The following RARB variants were observed in gnomAD, a reference collection of about 807,000 sequenced individuals.
RARB encodes the protein HBV-activated protein.
In RARB, 17 loss-of-function variants were observed where a neutral mutation model predicts 51.9. The ratio of observed to expected loss-of-function variants is 0.33; its 90% CI spans 0.22 to 0.49. The LOEUF (loss-of-function observed/expected upper bound fraction) is 0.49, where lower values mean the gene tolerates loss of function less well. RARB is among the 20% of genes least tolerant of loss of function. RARB has a pLI of 0.99. For missense variants in RARB, 369 were observed against 550.8 expected, an observed-to-expected ratio of 0.67 and a Z score of 3.30; for synonymous variants, 215 against 195.4, an observed-to-expected ratio of 1.10 and a Z score of -0.84.
At chr3:25,374,971 C>A (rs1706415359) in intron 5 of RARB, among the ~76,000 whole-genome samples, 1 of 151,918 alleles carries the variant, frequency 6.6e-6, no homozygotes, top group Non-Finnish European at 1.5e-5. Context: ...TTCTGAAATC[C>A]ATTACCTTTT....
intron 2 of RARB, among the ~76,000 whole-genome samples, chr3:24,893,886 T>C (rs1703433213): frequency 6.6e-6 from 1 of 152,178 alleles, no homozygotes; most frequent in Non-Finnish European, 1.5e-5. Context: ...TGTAACACTT[T>C]CACTTGCTTT....
Position 25,461,138 on chromosome 3 carries a change from A to T in RARB, c.158-55A>T, listed in dbSNP as rs1047841641. On this transcript the variant is annotated intron_variant, in intron 1 of 7. Coordinates refer to ENST00000330688, the MANE Select transcript of RARB (RefSeq NM_000965.5). The stretch of plus-strand genomic sequence containing the variant: ...ATATGAATTCACTGTTGAAAAAAGT[A>T]ATGAACTAAAATACATTTTCTCTTT... 5.4e-6 allele frequency: 8 copies of T among 1,492,794 alleles called. No individual in the cohort carries two copies. The Admixed American group carries it at 1.9e-4, about 35-fold the overall frequency. The allele number at this position is 1,492,794 out of a possible 1,614,324, so 92.5% of individuals were successfully genotyped here.
chr3:25,441,274 C>T, intron 1 of RARB: 1 of 411,210 alleles, frequency 2.4e-6, no homozygotes, highest in South Asian at 2.1e-5. Flanking sequence ...GCACCAGTAG[C>T]TGCGCTCTGG....
intron 5 of RARB, among the ~76,000 whole-genome samples, chr3:25,201,415 C>A (rs960561909): frequency 2.0e-5 from 3 of 152,160 alleles, no homozygotes; most frequent in Non-Finnish European, 4.4e-5. Flanking sequence ...GATTGAATAT[C>A]CTTTATTTCC....
chr3:25,141,421 C>T (rs1700104564), intron 4 of RARB, among the ~76,000 whole-genome samples: 1 of 152,008 alleles, frequency 6.6e-6, no homozygotes, highest in Non-Finnish European at 1.5e-5. Context: ...TTGGGCTGAC[C>T]CAATTTACCA....
At chr3:25,206,494 C>A (rs539536514) in intron 5 of RARB, among the ~76,000 whole-genome samples, 2 of 152,248 alleles carry the variant, frequency 1.3e-5, no homozygotes, top group Non-Finnish European at 2.9e-5. Flanking sequence ...AGTTCCAACT[C>A]AGATCTACTA....
At chr3:25,242,920 T>C (rs1299815673) in intron 5 of RARB, among the ~76,000 whole-genome samples, 1 of 152,230 alleles carries the variant, frequency 6.6e-6, no homozygotes, top group Non-Finnish European at 1.5e-5. Context: ...TTTCACAATT[T>C]TGATTTTTCC....
chr3:25,498,581 C>G (rs1697150170), intron 2 of RARB, among the ~76,000 whole-genome samples: 1 of 152,240 alleles, frequency 6.6e-6, no homozygotes, highest in African/African-American at 2.4e-5. Flanking sequence ...CTGAATCACA[C>G]TGACTGGGCA....
intron 1 of RARB, among the ~76,000 whole-genome samples, chr3:24,836,687 G>A (rs150512109): frequency 7.2e-5 from 11 of 152,130 alleles, no homozygotes; most frequent in African/African-American, 2.7e-4. Context: ...ATAAATGAAT[G>A]AGTAAATGAT....
chr3:25,318,788 C>T (rs1189224789), intron 5 of RARB, among the ~76,000 whole-genome samples: 3 of 152,214 alleles, frequency 2.0e-5, no homozygotes, highest in Non-Finnish European at 4.4e-5. Flanking sequence ...AATTACCACC[C>T]TGAAACTCTC....
chr3:25,364,518 G>A (rs1168416539), intron 5 of RARB, among the ~76,000 whole-genome samples: 2 of 152,174 alleles, frequency 1.3e-5, no homozygotes, highest in Non-Finnish European at 1.5e-5. Context: ...AAGAACCTAT[G>A]TCCTAGGTAG....
At chr3:25,089,925 T>C (rs1209289676) in intron 3 of RARB, among the ~76,000 whole-genome samples, 1 of 152,176 alleles carries the variant, frequency 6.6e-6, no homozygotes, top group Non-Finnish European at 1.5e-5. Context: ...CCCCACTGAA[T>C]GGCACAAAAA....
intron 5 of RARB, among the ~76,000 whole-genome samples, chr3:25,407,187 T>G (rs1707433200): frequency 6.6e-6 from 1 of 152,192 alleles, no homozygotes; most frequent in Non-Finnish European, 1.5e-5. Flanking sequence ...GTCCAGTATT[T>G]GATATGTTCC....
chr3:25,326,476 T>G (rs1704719827), intron 5 of RARB, among the ~76,000 whole-genome samples: 1 of 152,244 alleles, frequency 6.6e-6, no homozygotes, highest in African/African-American at 2.4e-5. Flanking sequence ...TTTTTAATAC[T>G]TGGAAATGGC....
chr3:25,194,465 A>G (rs1224257506), intron 5 of RARB, among the ~76,000 whole-genome samples: 2 of 151,014 alleles, frequency 1.3e-5, no homozygotes, highest in African/African-American at 4.9e-5. Flanking sequence ...AATAGTATAT[A>G]TATACAGTAG....
chr3:24,990,052 G>A (rs1357410591), intron 2 of RARB, among the ~76,000 whole-genome samples: 1 of 103,820 alleles, frequency 9.6e-6, no homozygotes, highest in African/African-American at 3.8e-5. Context: ...ACCCGCCTCG[G>A]CCTCCCAAAG....
At chr3:24,932,162 T>G (rs1695454559) in intron 2 of RARB, among the ~76,000 whole-genome samples, 1 of 152,082 alleles carries the variant, frequency 6.6e-6, no homozygotes, top group Non-Finnish European at 1.5e-5. Context: ...GTGATGGGCT[T>G]CAAAGTTCGT....
At chr3:25,074,088 C>T (rs971568974) in intron 3 of RARB, among the ~76,000 whole-genome samples, 2 of 152,154 alleles carry the variant, frequency 1.3e-5, no homozygotes, top group South Asian at 2.1e-4. Flanking sequence ...GATTAAATTA[C>T]GGATCTAGCT....
chr3:24,866,414 A>C (rs956760798), intron 2 of RARB, among the ~76,000 whole-genome samples: 16 of 152,156 alleles, frequency 1.1e-4, no homozygotes, highest in African/African-American at 3.4e-4. Context: ...TATACAGGGA[A>C]AGAAGCTAAT....
Sources: allele counts gnomAD v4.1 joint callset (sites outside exome capture counted in the v4.1 genomes callset), GRCh38; gene constraint gnomAD v4.1.1; transcripts MANE v1.5; gene names NCBI Gene and HGNC (gene_info 2026-07-23, HGNC 2026-07-21).